The following AFF3 variants were observed in gnomAD, a reference collection of about 807,000 sequenced individuals.
AFF3 encodes ALF transcription elongation factor 3.
In AFF3, 32 loss-of-function variants were observed where a neutral mutation model predicts 129.7. That is an observed-to-expected ratio of 0.25 (90% CI 0.19 to 0.33). The LOEUF is 0.33. AFF3 is among the 10% of genes least tolerant of loss of function. The probability of loss-of-function intolerance (pLI) is 1.00; values close to 1 mark genes in which losing one functional copy is unlikely to be tolerated. For missense variants in AFF3, 1,373 were observed against 1,592.0 expected (o/e 0.86, Z 2.34); for synonymous variants, 644 against 635.4 (o/e 1.01, Z -0.20).
intron 11 of AFF3, among the ~76,000 whole-genome samples, chr2:99,684,966 T>A (rs1293767735): frequency 1.4e-5 from 2 of 147,996 alleles, no homozygotes; most frequent in African/African-American, 5.0e-5. Context: ...GGAGACTGAG[T>A]CTTGCTTTAT....
chr2:99,821,469 TA>T (rs869250409), intron 8 of AFF3, among the ~76,000 whole-genome samples: 13 of 103,776 alleles, frequency 1.3e-4, no homozygotes, highest in South Asian at 9.7e-4. Flanking sequence ...GCTGATGAGC[TA>T]AAAAAAAGAA....
At chr2:99,800,630 A>T (rs1219182547) in intron 8 of AFF3, among the ~76,000 whole-genome samples, 1 of 152,262 alleles carries the variant, frequency 6.6e-6, no homozygotes, top group Non-Finnish European at 1.5e-5. Flanking sequence ...ACAAATATTT[A>T]TAATAGCTTT....
intron 24 of AFF3, among the ~76,000 whole-genome samples, chr2:99,553,934 A>G (rs1674661185): frequency 1.3e-5 from 2 of 150,890 alleles, no homozygotes; most frequent in African/African-American, 4.9e-5. Context: ...AAAAAAAAAA[A>G]AAAAAAAGAA....
intron 19 of AFF3, among the ~76,000 whole-genome samples, chr2:99,567,846 G>GA (rs1315492626): frequency 6.6e-6 from 1 of 152,234 alleles, no homozygotes; most frequent in African/African-American, 2.4e-5. Flanking sequence ...GATTCAGGCA[G>GA]AAAATCTCTT....
intron 8 of AFF3, among the ~76,000 whole-genome samples, chr2:99,836,962 C>G (rs971568581): frequency 2.0e-5 from 3 of 152,112 alleles, no homozygotes; most frequent in Admixed American, 1.3e-4. Flanking sequence ...GGAACCCACA[C>G]TAGACACAAC....
intron 11 of AFF3, among the ~76,000 whole-genome samples, chr2:99,697,687 G>C (rs572426263): frequency 1.1e-4 from 17 of 152,358 alleles, no homozygotes; most frequent in South Asian, 8.3e-4. Flanking sequence ...ATCTCTGCCA[G>C]GTGTGAAGAG....
intron 13 of AFF3, among the ~76,000 whole-genome samples, chr2:99,628,127 A>G (rs1220540049): frequency 6.6e-6 from 1 of 152,258 alleles, no homozygotes; most frequent in Non-Finnish European, 1.5e-5. Context: ...TTTAATGGGA[A>G]TAACACTGAA....
At chr2:99,743,529 A>T (rs142166846) in intron 10 of AFF3, among the ~76,000 whole-genome samples, 1 of 152,348 alleles carries the variant, frequency 6.6e-6, no homozygotes, top group East Asian at 1.9e-4. Flanking sequence ...AGTAGTGCCA[A>T]AGAAGAGAAT....
chr2:99,649,392 C>T (rs1685022275), intron 13 of AFF3, among the ~76,000 whole-genome samples: 1 of 152,204 alleles, frequency 6.6e-6, no homozygotes, highest in South Asian at 2.1e-4. Context: ...AGTTTCTTGT[C>T]TCTTGTTTCA....
intron 2 of AFF3, among the ~76,000 whole-genome samples, chr2:100,125,660 T>A (rs1463642331): frequency 6.6e-6 from 1 of 151,964 alleles, no homozygotes; most frequent in African/African-American, 2.4e-5. Context: ...GTGAAAACTA[T>A]GGAAGAATGA....
intron 7 of AFF3, among the ~76,000 whole-genome samples, chr2:99,907,598 T>C (rs1485246623): frequency 6.6e-6 from 1 of 151,956 alleles, no homozygotes; most frequent in Non-Finnish European, 1.5e-5. Flanking sequence ...TTTTAATAAA[T>C]GATTCTGAAT....
chr2:99,694,180 G>A (rs1017188292), intron 11 of AFF3, among the ~76,000 whole-genome samples: 8 of 152,162 alleles, frequency 5.3e-5, no homozygotes, highest in African/African-American at 1.9e-4. Context: ...TTACAAGTGT[G>A]AGCCACCGCG....
intron 8 of AFF3, among the ~76,000 whole-genome samples, chr2:99,777,530 A>G (rs1239680218): frequency 6.6e-6 from 1 of 152,180 alleles, no homozygotes; most frequent in Non-Finnish European, 1.5e-5. Flanking sequence ...TCAAAGGAGT[A>G]CACCGCACTG....
At chr2:99,844,438 T>TTTC (rs1689572440) in intron 7 of AFF3, among the ~76,000 whole-genome samples, 1 of 114,842 alleles carries the variant, frequency 8.7e-6, no homozygotes, top group Non-Finnish European at 2.0e-5. Context: ...TCTTTTCTTT[T>TTTC]TTTTTTTTTT....
At chr2:99,999,109 A>T (rs1239921155) in intron 7 of AFF3, among the ~76,000 whole-genome samples, 1 of 152,156 alleles carries the variant, frequency 6.6e-6, no homozygotes, top group African/African-American at 2.4e-5. Flanking sequence ...AACAAAGGAG[A>T]ACAAGGAAAA....
chr2:99,954,166 G>A (rs1212174769), intron 7 of AFF3, among the ~76,000 whole-genome samples: 1 of 151,972 alleles, frequency 6.6e-6, no homozygotes, highest in Non-Finnish European at 1.5e-5. Flanking sequence ...TCAGTGATGT[G>A]TTTTTGTATA....
rs752876441 is a variant in AFF3 at position 99,837,497 on chromosome 2, A to G, written c.901T>C (p.Cys301Arg). 1.7e-5 allele frequency: 28 copies of G among 1,613,756 alleles called. No individual in the cohort carries two copies. Among genetic ancestry groups the G allele is most frequent in the Non-Finnish European group, 2.3e-5 (27 of 1,179,910 alleles). Residue 301 changes from cysteine (C) to arginine (R), a missense_variant, in exon 8 of 25, where the codon TGT (cysteine) becomes CGT (arginine). By Grantham distance (180) the Cys-to-Arg change is radical. Coordinates refer to ENST00000672756, the MANE Select transcript of AFF3 (RefSeq NM_001386135.1). ...EESRSGETNS[C>R]VEEIIREMTW... ...CTTACCCGGATTATTTCTTCAACAC[A>G]GCTGTTGGTTTCTCCAGATCTACTC... is the stretch of plus-strand genomic sequence containing the variant.
intron 11 of AFF3, among the ~76,000 whole-genome samples, chr2:99,720,077 C>G (rs900788053): frequency 2.6e-5 from 4 of 152,088 alleles, no homozygotes; most frequent in Non-Finnish European, 4.4e-5. Flanking sequence ...AAATAAAGTA[C>G]GTATCATGTA....
intron 7 of AFF3, among the ~76,000 whole-genome samples, chr2:99,891,764 G>A (rs1020412653): frequency 1.3e-5 from 2 of 152,162 alleles, no homozygotes; most frequent in African/African-American, 4.8e-5. Flanking sequence ...ACAGCTCATA[G>A]TTGGTAGAGC....
Sources: allele counts gnomAD v4.1 joint callset (sites outside exome capture counted in the v4.1 genomes callset), GRCh38; gene constraint gnomAD v4.1.1; transcripts MANE v1.5; gene names NCBI Gene and HGNC (gene_info 2026-07-23, HGNC 2026-07-21).